The following CASK variants were observed in gnomAD, a reference collection of about 807,000 sequenced individuals.
CASK encodes the protein calcium/calmodulin dependent serine protein kinase, also known as peripheral plasma membrane protein CASK.
CASK carries 4 observed loss-of-function variants against 82.9 expected under a neutral mutation model. The ratio of observed to expected loss-of-function variants is 0.05; its 90% CI spans 0.02 to 0.11. The LOEUF (loss-of-function observed/expected upper bound fraction) is 0.11, where lower values mean the gene tolerates loss of function less well. CASK is among the 10% of genes least tolerant of loss of function. The probability of loss-of-function intolerance (pLI) is 1.00; values close to 1 mark genes in which losing one functional copy is unlikely to be tolerated. For synonymous variants in CASK, 259 were observed against 253.5 expected (o/e 1.02, Z -0.20); for missense variants, 358 against 720.9 (o/e 0.50, Z 5.76).
chrX:41,719,613 T>G (rs770792723), intron 5 of CASK, among the ~76,000 whole-genome samples: 1 of 111,990 alleles, frequency 8.9e-6, no homozygotes, highest in Non-Finnish European at 1.9e-5. Context: ...GCCAGCAGTT[T>G]TGCCACAAGA....
chrX:41,679,593 T>C (rs1228504587), intron 5 of CASK, among the ~76,000 whole-genome samples: 1 of 112,038 alleles, frequency 8.9e-6, no homozygotes, highest in African/African-American at 3.2e-5. Flanking sequence ...ACCAAGTTAG[T>C]TTCTAGGCAA....
At chrX:41,696,649 G>A in intron 5 of CASK, 2 of 1,210,364 alleles carry the variant, frequency 1.7e-6, no homozygotes, top group East Asian at 3.0e-5. Context: ...AAAATAATGT[G>A]CCAACTTCTT....
chrX:41,668,441 A>C (rs2067148606), intron 6 of CASK, among the ~76,000 whole-genome samples: 1 of 111,963 alleles, frequency 8.9e-6, no homozygotes. Context: ...AGTCAGCCTT[A>C]GAGAGTGTCT....
At chrX:41,655,427 T>C (rs1180968064) in intron 8 of CASK, among the ~76,000 whole-genome samples, 1 of 111,575 alleles carries the variant, frequency 9.0e-6, no homozygotes, top group African/African-American at 3.3e-5. Flanking sequence ...GGACATTAAC[T>C]GAAACTATCC....
At chrX:41,878,794 G>A (rs2071885273) in intron 1 of CASK, among the ~76,000 whole-genome samples, 1 of 110,866 alleles carries the variant, frequency 9.0e-6, no homozygotes. Flanking sequence ...TATAAACTGG[G>A]TTCAGTGTAT....
chrX:41,832,989 T>C (rs1169055307), intron 2 of CASK, among the ~76,000 whole-genome samples: 1 of 111,810 alleles, frequency 8.9e-6, no homozygotes, highest in East Asian at 2.8e-4. Context: ...AAAAGGGAAC[T>C]CATTTATGGT....
chrX:41,778,801 C>G (rs774680716), intron 3 of CASK, among the ~76,000 whole-genome samples: 1 of 103,510 alleles, frequency 9.7e-6, no homozygotes, highest in African/African-American at 3.5e-5. Context: ...TTGTTTTATA[C>G]AAAAATCTGA....
intron 2 of CASK, among the ~76,000 whole-genome samples, chrX:41,820,861 T>C (rs767507103): frequency 1.8e-5 from 2 of 111,153 alleles, no homozygotes; most frequent in Non-Finnish European, 3.8e-5. Flanking sequence ...AATAACTCAA[T>C]AGGGTTATTT....
chrX:41,593,814 G>A (rs1489842925), intron 12 of CASK, among the ~76,000 whole-genome samples: 1 of 112,645 alleles, frequency 8.9e-6, no homozygotes, highest in Non-Finnish European at 1.9e-5. Flanking sequence ...CGAATGCGAT[G>A]TAACATTGAA....
intron 5 of CASK, among the ~76,000 whole-genome samples, chrX:41,710,674 T>C (rs1350722570): frequency 8.9e-6 from 1 of 112,243 alleles, no homozygotes; most frequent in Admixed American, 9.4e-5. Context: ...AATGGTTGAC[T>C]GATGGCTGGA....
chrX:41,894,345 G>C, intron 1 of CASK, among the ~76,000 whole-genome samples: 1 of 111,052 alleles, frequency 9.0e-6, no homozygotes, highest in Non-Finnish European at 1.9e-5. Context: ...AGACTATCCA[G>C]TATGAAAACC....
chrX:41,688,542 A>T (rs986079819), intron 5 of CASK, among the ~76,000 whole-genome samples: 1 of 111,735 alleles, frequency 8.9e-6, no homozygotes, highest in Non-Finnish European at 1.9e-5. Context: ...TCTAGTCCTA[A>T]TAATACAAGT....
chrX:41,568,005 C>T lies in CASK; in HGVS notation c.1582+1663G>A, dbSNP rs186489015. Reference sequence around the variant, plus strand: ...ATCACAAGGACAGAAAACCAAACACCGTATGTTCTCACTCATAGGTGGGAA... The same window carrying T: ...ATCACAAGGACAGAAAACCAAACACTGTATGTTCTCACTCATAGGTGGGAA... On this transcript the variant is annotated intron_variant, in intron 16 of 26. Coordinates refer to ENST00000378163, the MANE Select transcript of CASK (RefSeq NM_001367721.1). 8.3e-3 allele frequency among the ~76,000 whole-genome samples: 842 copies of T among 100,934 alleles called. 7 individuals are homozygous for T. Among genetic ancestry groups the T allele is most frequent in the African/African-American group, 0.029 (796 of 27,187 alleles). 87.6% of individuals were successfully genotyped at this position (100,934 alleles called of 115,157 possible).
chrX:41,676,887 A>T (rs777396301), intron 5 of CASK, among the ~76,000 whole-genome samples: 27 of 112,329 alleles, frequency 2.4e-4, no homozygotes, highest in Admixed American at 5.6e-4. Flanking sequence ...ACTGGATATG[A>T]GCGTGAGAGA....
intron 2 of CASK, among the ~76,000 whole-genome samples, chrX:41,815,017 A>G (rs2070384851): frequency 8.9e-6 from 1 of 111,763 alleles, no homozygotes; most frequent in Non-Finnish European, 1.9e-5. Context: ...AAAGCAGTGC[A>G]TGCAGTGTCA....
intron 5 of CASK, among the ~76,000 whole-genome samples, chrX:41,704,702 T>C: frequency 8.9e-6 from 1 of 112,194 alleles, no homozygotes; most frequent in Non-Finnish European, 1.9e-5. Flanking sequence ...CTGAATCCAA[T>C]AGGTTTTCTT....
chrX:41,832,035 T>C (rs758948897), intron 2 of CASK, among the ~76,000 whole-genome samples: 1 of 100,975 alleles, frequency 9.9e-6, no homozygotes, highest in East Asian at 3.0e-4. Flanking sequence ...ACACGAAACC[T>C]AAAAAAAAAA....
At chrX:41,578,225 A>C (rs1211486847) in intron 15 of CASK, 115 bp downstream of exon 15, 1 of 510,662 alleles carries the variant, frequency 2.0e-6, no homozygotes, top group Non-Finnish European at 3.3e-6. Context: ...GATTTCTTTA[A>C]AACTATCCAT....
intron 2 of CASK, among the ~76,000 whole-genome samples, chrX:41,839,196 AT>A (rs1173356573): frequency 1.8e-5 from 2 of 111,470 alleles, no homozygotes; most frequent in African/African-American, 3.3e-5. Context: ...TCTTCCTAGG[AT>A]TTTAATTGAA....
Sources: gnomAD v4.1 joint callset for allele counts (sites outside exome capture counted in the v4.1 genomes callset) on GRCh38, gnomAD v4.1.1 for gene constraint, MANE v1.5 for transcripts, NCBI Gene and HGNC (gene_info 2026-07-23, HGNC 2026-07-21) for gene names.